The following KIF1A variants were observed in gnomAD, a reference collection of about 807,000 sequenced individuals.
KIF1A encodes kinesin family member 1A, also known as kinesin-like protein KIF1A.
Under a neutral mutation model 227.3 loss-of-function variants are expected in KIF1A, and 46 were observed. That is an observed-to-expected ratio of 0.20 (90% CI 0.16 to 0.26). The LOEUF is 0.26. KIF1A is among the 10% of genes least tolerant of loss of function. The probability of loss-of-function intolerance (pLI) is 1.00; values close to 1 mark genes in which losing one functional copy is unlikely to be tolerated. For missense variants in KIF1A, 1,683 were observed against 2,485.9 expected, an observed-to-expected ratio of 0.68 and a Z score of 6.87; for synonymous variants, 1,022 against 1,012.8, an observed-to-expected ratio of 1.01 and a Z score of -0.17.
intron 2 of KIF1A, among the ~76,000 whole-genome samples, chr2:240,791,464 A>C (rs1413059664): frequency 1.9e-5 from 1 of 52,610 alleles, no homozygotes; most frequent in Admixed American, 2.1e-4. Context: ...ACCCGGCTGC[A>C]CTCAGGTCGG....
chr2:240,797,882 T>A, intron 1 of KIF1A, 70 bp from the exon 2 acceptor site: 1 of 625,364 alleles, frequency 1.6e-6, no homozygotes. Context: ...CGGCTGCAGC[T>A]GAAGCCACAG....
chr2:240,760,626 G>A, intron 25 of KIF1A, 39 bp downstream of exon 25: 1 of 1,416,068 alleles, frequency 7.1e-7, no homozygotes, highest in Non-Finnish European at 9.2e-7. Context: ...TGCCCAGGAG[G>A]ACCCTCCCAC....
chr2:240,774,361 G>T, intron 11 of KIF1A, 100 bp from the exon 12 acceptor site: 1 of 667,890 alleles, frequency 1.5e-6, no homozygotes, highest in Non-Finnish European at 2.6e-6. Context: ...GGAGGCTGAG[G>T]CCCAGAGAGG....
Position 240,797,997 on chromosome 2 carries a change from G to A in KIF1A, c.-60-185C>T, listed in dbSNP as rs10208085. 6.4e-3 allele frequency: 2,787 copies of A among 434,040 alleles called. 48 individuals are homozygous for A. Among genetic ancestry groups the A allele is most frequent in the African/African-American group, 0.046 (2,304 of 50,278 alleles). The allele number at this position is 434,040 out of a possible 1,614,324, so 26.9% of individuals were successfully genotyped here. A position where few individuals can be genotyped will look rare whatever the true frequency, so the allele number is the denominator to read the frequency against. On this transcript the variant is annotated intron_variant, in intron 1 of 48. Coordinates refer to ENST00000498729, the MANE Select transcript of KIF1A (RefSeq NM_001244008.2). ...TAATTCTAGAAAGCAGGAGCCCAGC[G>A]GGACCAGTGGAACCCAGCTTCGCAA...
chr2:240,745,464 C>T lies in KIF1A; in HGVS notation c.3428G>A (p.Gly1143Asp). 6.2e-7 allele frequency: 1 copy of T among 1,613,748 alleles called. No homozygotes were observed. The highest frequency in any genetic ancestry group is 8.5e-7 in the Non-Finnish European group (1 of 1,179,770). ...AFSTEPLKNTGRGPPLGFYHV... is the reference protein window; with the variant it reads ...AFSTEPLKNTDRGPPLGFYHV... ...GTAGAAGCCAAGTGGGGGGCCTCTG[C>T]CTGTGTTCTTCAGGGGCTCTGTGGA... The change falls in exon 32 of 49, where the codon GGC becomes GAC. Residue 1143 changes from glycine (G) to aspartate (D), a missense_variant. By Grantham distance (94) the Gly-to-Asp change is moderately conservative. Coordinates refer to ENST00000498729, the MANE Select transcript of KIF1A (RefSeq NM_001244008.2).
chr2:240,762,528 C>T (rs1334623140), intron 23 of KIF1A, among the ~76,000 whole-genome samples, 191 bp downstream of exon 23: 3 of 152,322 alleles, frequency 2.0e-5, no homozygotes, highest in Non-Finnish European at 4.4e-5. Flanking sequence ...CCAGCTGTGG[C>T]ACAGTATCCC....
intron 20 of KIF1A, among the ~76,000 whole-genome samples, chr2:240,765,379 G>C (rs2051042240): frequency 6.6e-6 from 1 of 152,236 alleles, no homozygotes; most frequent in Non-Finnish European, 1.5e-5. Flanking sequence ...CCCCAGACCA[G>C]CCCGACAGGG....
chr2:240,809,259 G>C (rs2126217919), intron 1 of KIF1A, among the ~76,000 whole-genome samples: 1 of 152,302 alleles, frequency 6.6e-6, no homozygotes, highest in Admixed American at 6.5e-5. Flanking sequence ...AGAGTAAGAT[G>C]TTAAGAACAT....
intron 45 of KIF1A, chr2:240,720,222 C>A (rs910495747): frequency 2.0e-5 from 6 of 306,700 alleles, no homozygotes; most frequent in African/African-American, 1.3e-4. Context: ...CTCCTGCCCC[C>A]ACCTCCACCC....
At chr2:240,795,837 C>T (rs2056323178) in intron 2 of KIF1A, among the ~76,000 whole-genome samples, 1 of 152,182 alleles carries the variant, frequency 6.6e-6, no homozygotes, top group East Asian at 1.9e-4. Context: ...GGGCCATTCT[C>T]AAGGTTCAGG....
rs570956380 is a variant in KIF1A at position 240,774,391 on chromosome 2, AC to A, written c.959-131del. 86,930 of 258,790 alleles carry A rather than the reference AC, an allele frequency of 0.34. 4,817 individuals carry two copies. Among genetic ancestry groups the A allele is most frequent in the Middle Eastern group, 0.36 (347 of 952 alleles). 16.0% of individuals were successfully genotyped at this position (258,790 alleles called of 1,614,324 possible). On this transcript the variant is annotated intron_variant, in intron 11 of 48. Coordinates refer to ENST00000498729, the MANE Select transcript of KIF1A (RefSeq NM_001244008.2). ...GAGAGGTAAACTGAGTCACAGGCTT[AC>A]CCCCCCCCCCACCCCCACCCCATGA...
chr2:240,783,692 C>A (rs1474479990), intron 8 of KIF1A, 47 bp downstream of exon 8: 3 of 1,464,454 alleles, frequency 2.0e-6, no homozygotes, highest in Admixed American at 4.0e-5. Flanking sequence ...CACTCTGGAG[C>A]AGGCCAAATG....
chr2:240,745,956 C>T (rs1298565733), intron 30 of KIF1A, 47 bp from the exon 31 acceptor site: 1 of 1,592,214 alleles, frequency 6.3e-7, no homozygotes, highest in Non-Finnish European at 8.6e-7. Flanking sequence ...GCCATATTGT[C>T]TTCCAGCCAC....
chr2:240,786,778 ACCCCTG>A lies in KIF1A; in HGVS notation c.430-271_430-266del, dbSNP rs1559530122. Among the ~76,000 whole-genome samples, 53 of 101,902 alleles carry A rather than the reference ACCCCTG, an allele frequency of 5.2e-4. 2 individuals are homozygous for A. Among genetic ancestry groups the A allele is most frequent in the African/African-American group, 2.1e-3 (47 of 22,860 alleles). The allele number at this position is 101,902 out of a possible 152,430, so 66.9% of individuals were successfully genotyped here. A position where few individuals can be genotyped will look rare whatever the true frequency, so the allele number is the denominator to read the frequency against. Reference sequence around the variant, plus strand: ...TGAGAGGGTAGGGGCCACCATCAGGACCCCTGAGTGAGGGGGTGGGGGCTGCCATCA... The same window carrying A: ...TGAGAGGGTAGGGGCCACCATCAGGAAGTGAGGGGGTGGGGGCTGCCATCA... On this transcript the variant is annotated intron_variant, in intron 5 of 48. Coordinates refer to ENST00000498729, the MANE Select transcript of KIF1A (RefSeq NM_001244008.2).
intron 15 of KIF1A, among the ~76,000 whole-genome samples, 184 bp downstream of exon 15, chr2:240,770,787 C>T (rs2051854740): frequency 2.0e-5 from 3 of 152,198 alleles, no homozygotes; most frequent in Admixed American, 2.0e-4. Context: ...GCCTTGGCTG[C>T]TGTGGGTGGT....
Position 240,792,352 on chromosome 2 carries a change from G to A in KIF1A, c.107-3040C>T, listed in dbSNP as rs1364145827. 2.6e-5 allele frequency among the ~76,000 whole-genome samples: 4 copies of A among 151,766 alleles called. No individual in the cohort carries two copies. The highest frequency in any genetic ancestry group is 2.0e-4 in the Admixed American group (3 of 15,260). ...GTCCTCCCAGGGCCTGCTGGGCTGGGCTCCTCAGCCAGCCCCTTTAGGGCC... is the reference window on the plus strand; with the variant it reads ...GTCCTCCCAGGGCCTGCTGGGCTGGACTCCTCAGCCAGCCCCTTTAGGGCC... On this transcript the variant is annotated intron_variant, in intron 2 of 48. Transcript: ENST00000498729. The surrounding 1 kb of genome is among the most constrained non-coding windows in gnomAD (Gnocchi z 4.5).
intron 32 of KIF1A, 118 bp downstream of exon 32, chr2:240,745,309 G>A: frequency 1.2e-6 from 1 of 825,532 alleles, no homozygotes; most frequent in East Asian, 2.6e-5. Context: ...AGTTCCCGGT[G>A]CACAAGGCAG....
At chr2:240,812,476 C>T (rs79638138) in intron 1 of KIF1A, among the ~76,000 whole-genome samples, 13 of 151,778 alleles carry the variant, frequency 8.6e-5, no homozygotes, top group Admixed American at 2.6e-4. Flanking sequence ...CTCAGGGGCC[C>T]GCCTTTACCT....
intron 2 of KIF1A, among the ~76,000 whole-genome samples, chr2:240,791,616 C>T (rs2055718865): frequency 6.6e-6 from 1 of 151,798 alleles, no homozygotes; most frequent in African/African-American, 2.4e-5. Context: ...TGCTCCCTGT[C>T]CCACCCTTGC....
Sources: gnomAD v4.1 joint callset for allele counts (sites outside exome capture counted in the v4.1 genomes callset) on GRCh38, gnomAD v4.1.1 for gene constraint, Gnocchi (gnomAD v3.1) non-coding constraint, MANE v1.5 for transcripts, NCBI Gene and HGNC (gene_info 2026-07-23, HGNC 2026-07-21) for gene names.